Variants in ST7 observed in about 807,000 individuals in gnomAD.
ST7 encodes suppressor of tumorigenicity 7 protein.
Under a neutral mutation model 78.7 loss-of-function variants are expected in ST7, and 28 were observed. The observed-to-expected ratio is 0.36, with a 90% CI of 0.26 to 0.49. The LOEUF is 0.49. Among genes scored for constraint, ST7 ranks in the 20% least tolerant of loss-of-function variants. The pLI is 0.99. For synonymous variants in ST7, 247 were observed against 249.6 expected (o/e 0.99, Z 0.10); for missense variants, 418 against 696.0 (o/e 0.60, Z 4.49).
intron 9 of ST7, among the ~76,000 whole-genome samples, chr7:117,166,315 C>T (rs1021652067): frequency 6.6e-6 from 1 of 151,958 alleles, no homozygotes; most frequent in African/African-American, 2.4e-5. Flanking sequence ...TATTGTATGC[C>T]AGCATTTCCC....
intron 12 of ST7, among the ~76,000 whole-genome samples, chr7:117,195,633 G>A (rs1236358420): frequency 6.6e-6 from 1 of 152,134 alleles, no homozygotes; most frequent in Admixed American, 6.5e-5. Context: ...AGAAGAATGA[G>A]CAAAAGGAGA....
intron 3 of ST7, among the ~76,000 whole-genome samples, chr7:117,125,008 CAT>C (rs2116980269): frequency 6.6e-6 from 1 of 152,230 alleles, no homozygotes; most frequent in Non-Finnish European, 1.5e-5. Flanking sequence ...CAAAATGCTA[CAT>C]GTCAAGGACC....
chr7:117,194,089 G>A, intron 12 of ST7, among the ~76,000 whole-genome samples: 1 of 152,186 alleles, frequency 6.6e-6, no homozygotes, highest in East Asian at 1.9e-4. Flanking sequence ...CTGTTCTGAA[G>A]CAGAGCCACT....
chr7:117,087,926 A>G (rs1800288054), intron 1 of ST7, among the ~76,000 whole-genome samples: 1 of 152,174 alleles, frequency 6.6e-6, no homozygotes. Context: ...CATTGCTACC[A>G]GATGTGTCTG....
At chr7:116,987,838 C>T (rs1351540566) in intron 1 of ST7, among the ~76,000 whole-genome samples, 1 of 152,204 alleles carries the variant, frequency 6.6e-6, no homozygotes, top group Non-Finnish European at 1.5e-5. Context: ...ATTCTCCTGC[C>T]TCAGCCTCCC....
chr7:117,201,335 A>G (rs994010021), intron 12 of ST7, among the ~76,000 whole-genome samples: 2 of 152,088 alleles, frequency 1.3e-5, no homozygotes, highest in African/African-American at 4.8e-5. Context: ...TAGGAAGTTT[A>G]AGTCTCTTTC....
intron 1 of ST7, among the ~76,000 whole-genome samples, chr7:117,038,658 A>G (rs1402134583): frequency 2.0e-5 from 3 of 152,232 alleles, no homozygotes; most frequent in African/African-American, 7.2e-5. Flanking sequence ...TGTTGAATGC[A>G]TAGTTATATA....
At chr7:117,072,094 T>G (rs1333974181) in intron 1 of ST7, 1 of 152,192 alleles carries the variant, frequency 6.6e-6, no homozygotes, top group Non-Finnish European at 1.5e-5. Context: ...TAATTCTCAT[T>G]TAATGGGGGA....
chr7:117,008,225 C>T (rs1045352226), intron 1 of ST7, among the ~76,000 whole-genome samples: 2 of 152,066 alleles, frequency 1.3e-5, no homozygotes, highest in Non-Finnish European at 2.9e-5. Context: ...TAGAAAAAAA[C>T]CTCAGAAATA....
At position 117,009,681 on chromosome 7, in the gene ST7, A is replaced by G. The variant is rs532929338; in HGVS notation, c.151+55990A>G. Among the ~76,000 whole-genome samples, 25 of 152,142 alleles carry G rather than the reference A, an allele frequency of 1.6e-4. No individual in the cohort carries two copies. The South Asian group carries it at 3.9e-3, about 24-fold the overall frequency. ...TAATTATACATCAAGATTAATTGCT[A>G]TATTTTTTTTTAATTGGCTAACCTT... On this transcript the variant is annotated intron_variant, in intron 1 of 15. Coordinates refer to ENST00000323984, the MANE Select transcript of ST7 (RefSeq NM_001369598.1).
At chr7:116,969,751 G>A (rs1487623265) in intron 1 of ST7, among the ~76,000 whole-genome samples, 1 of 152,170 alleles carries the variant, frequency 6.6e-6, no homozygotes, top group Non-Finnish European at 1.5e-5. Context: ...CTTGGAGGCA[G>A]TCAGAGGAGT....
chr7:117,106,616 C>CTTTTTTTTT (rs758855564), intron 2 of ST7, among the ~76,000 whole-genome samples: 1 of 107,724 alleles, frequency 9.3e-6, no homozygotes. Context: ...TTGTATCATT[C>CTTTTTTTTT]TTTTTTTTTT....
chr7:117,212,732 A>G (rs1467945781), intron 13 of ST7, among the ~76,000 whole-genome samples: 2 of 152,186 alleles, frequency 1.3e-5, no homozygotes, highest in Non-Finnish European at 2.9e-5. Context: ...TAAATTTTCA[A>G]CAAGCATAAA....
chr7:117,129,648 C>G (rs939976396), intron 3 of ST7, 145 bp from the exon 4 acceptor site: 49 of 691,342 alleles, frequency 7.1e-5, no homozygotes, highest in Middle Eastern at 3.3e-4. Flanking sequence ...ATTAACCACC[C>G]AGAGTTTTTC....
intron 9 of ST7, among the ~76,000 whole-genome samples, chr7:117,159,345 G>A (rs993180341): frequency 3.3e-5 from 5 of 152,078 alleles, no homozygotes; most frequent in Non-Finnish European, 7.4e-5. Flanking sequence ...TTCTATCCTT[G>A]GCCCATCCCA....
Position 117,099,074 on chromosome 7 carries a change from A to G in ST7, c.152-688A>G, listed in dbSNP as rs562847538. Among the ~76,000 whole-genome samples, 23 of 149,482 alleles carry G rather than the reference A, an allele frequency of 1.5e-4. 1 individual carries two copies. The highest frequency in any genetic ancestry group is 2.5e-4 in the Non-Finnish European group (17 of 67,398). On this transcript the variant is annotated intron_variant, in intron 1 of 15. Coordinates refer to ENST00000323984, the MANE Select transcript of ST7 (RefSeq NM_001369598.1). ...AAAAAAAAAAAAAAAAACAAAAAAA[A>G]AAGAAGAAGAAGAAGGTGCTTGGCA... is the stretch of plus-strand genomic sequence containing the variant.
At chr7:117,211,882 A>G (rs1042377704) in intron 13 of ST7, among the ~76,000 whole-genome samples, 9 of 152,272 alleles carry the variant, frequency 5.9e-5, no homozygotes, top group Admixed American at 1.3e-4. Context: ...AATTTTCTCA[A>G]ATTAAATTGG....
intron 8 of ST7, 155 bp downstream of exon 8, chr7:117,136,390 G>A: frequency 1.2e-6 from 1 of 819,446 alleles, no homozygotes; most frequent in Non-Finnish European, 1.9e-6. Context: ...TTTCCTATAA[G>A]TGCAGTTAGT....
intron 2 of ST7, 63 bp from the exon 3 acceptor site, chr7:117,119,498 G>T: frequency 7.0e-7 from 1 of 1,431,420 alleles, no homozygotes; most frequent in Non-Finnish European, 9.4e-7. Context: ...TGTTTTATGG[G>T]CATGTGTACA....
Sources: gnomAD v4.1 joint callset for allele counts (sites outside exome capture counted in the v4.1 genomes callset) on GRCh38, gnomAD v4.1.1 for gene constraint, MANE v1.5 for transcripts, NCBI Gene and HGNC (gene_info 2026-07-23, HGNC 2026-07-21) for gene names.